Variants in EPHA6 observed in about 807,000 individuals in gnomAD.
EPHA6 encodes the protein EPH receptor A6.
EPHA6 carries 50 observed loss-of-function variants against 112.0 expected under a neutral mutation model. That is an observed-to-expected ratio of 0.45 (90% CI 0.36 to 0.56). The LOEUF (loss-of-function observed/expected upper bound fraction) is 0.56. EPHA6 is among the 20% of genes least tolerant of loss of function. The pLI is 0.00. For synonymous variants in EPHA6, 529 were observed against 490.7 expected, an observed-to-expected ratio of 1.08 and a Z score of -1.03; for missense variants, 1,280 against 1,417.4, an observed-to-expected ratio of 0.90 and a Z score of 1.56.
At chr3:97,064,481 T>C (rs1057312682) in intron 3 of EPHA6, among the ~76,000 whole-genome samples, 1 of 152,186 alleles carries the variant, frequency 6.6e-6, no homozygotes, top group Non-Finnish European at 1.5e-5. Context: ...TCTGTATTCC[T>C]CACTAAACTG....
At position 97,751,761 on chromosome 3, in the gene EPHA6, A is replaced by C. The variant is rs2035906868; in HGVS notation, c.*3060A>C. 6.6e-6 allele frequency among the ~76,000 whole-genome samples: 1 copy of C among 152,184 alleles called. No homozygotes were observed. The highest frequency in any genetic ancestry group is 2.1e-4 in the South Asian group (1 of 4,838). On this transcript the variant is annotated 3_prime_UTR_variant, in exon 18 of 18. Coordinates refer to ENST00000389672, the MANE Select transcript of EPHA6 (RefSeq NM_001080448.3). ...CATAAATCACAAGTCTTCAGGAATAATCTTTGATACCTAAAATATGCATAT... is the reference window on the plus strand; with the variant it reads ...CATAAATCACAAGTCTTCAGGAATACTCTTTGATACCTAAAATATGCATAT...
chr3:97,443,317 C>A (rs2090203379), intron 6 of EPHA6, among the ~76,000 whole-genome samples: 2 of 134,400 alleles, frequency 1.5e-5, no homozygotes, highest in Admixed American at 1.7e-4. Context: ...GTCCTCTAGC[C>A]AGTAGAACAA....
intron 11 of EPHA6, among the ~76,000 whole-genome samples, chr3:97,582,415 G>T (rs771539310): frequency 6.6e-6 from 1 of 152,078 alleles, no homozygotes; most frequent in Non-Finnish European, 1.5e-5. Flanking sequence ...AATCTAAACT[G>T]GGAGGACTCG....
At chr3:97,614,807 A>C (rs2093752222) in intron 13 of EPHA6, among the ~76,000 whole-genome samples, 2 of 152,168 alleles carry the variant, frequency 1.3e-5, no homozygotes, top group Non-Finnish European at 2.9e-5. Flanking sequence ...GATGGCTGGG[A>C]GCAAGAAAAG....
In EPHA6 at chr3:97,512,272, CTA is replaced by C. The variant is rs541060128; in HGVS notation, c.2201-20084_2201-20083del. 4.3e-3 allele frequency among the ~76,000 whole-genome samples: 658 copies of C among 152,062 alleles called. 6 individuals are homozygous for C. The highest frequency in any genetic ancestry group is 4.0e-3 in the Non-Finnish European group (269 of 67,984). Reference sequence around the variant, plus strand: ...AATTTACAGAGGTATTAGTAATTATCTATGAGTATTTTTCATTTAAGATAAAA... The same window carrying C: ...AATTTACAGAGGTATTAGTAATTATCTGAGTATTTTTCATTTAAGATAAAA... On this transcript the variant is annotated intron_variant, in intron 10 of 17. Transcript: ENST00000389672.
chr3:97,744,920 TAA>T (rs1437755109), intron 16 of EPHA6, among the ~76,000 whole-genome samples: 1 of 151,964 alleles, frequency 6.6e-6, no homozygotes, highest in Non-Finnish European at 1.5e-5. Flanking sequence ...GACAAGTATT[TAA>T]AAGACAGGAG....
intron 5 of EPHA6, among the ~76,000 whole-genome samples, chr3:97,279,719 C>T (rs1423094183): frequency 2.6e-5 from 4 of 152,160 alleles, no homozygotes; most frequent in Admixed American, 1.3e-4. Flanking sequence ...TTGATGTTTA[C>T]TGAAGACATG....
chr3:97,700,868 C>T (rs1237245971), intron 14 of EPHA6, among the ~76,000 whole-genome samples: 1 of 152,062 alleles, frequency 6.6e-6, no homozygotes, highest in Non-Finnish European at 1.5e-5. Context: ...GCCAGCGTTC[C>T]CATCACTGGT....
chr3:96,850,818 G>T (rs1471005756), intron 1 of EPHA6, among the ~76,000 whole-genome samples: 1 of 152,064 alleles, frequency 6.6e-6, no homozygotes, highest in African/African-American at 2.4e-5. Flanking sequence ...GTTACTATCA[G>T]ATTTCATTGG....
rs115994501 is a variant in EPHA6 at position 97,395,674 on chromosome 3, C to T, written c.1607-9476C>T. 5.2e-3 allele frequency among the ~76,000 whole-genome samples: 795 copies of T among 151,486 alleles called. 6 individuals carry two copies. Among genetic ancestry groups the T allele is most frequent in the African/African-American group, 0.017 (724 of 41,398 alleles). Reference sequence around the variant, plus strand: ...TTAGTATTATTCTTTATTGACATTTCATTGAGTTTTTTATTATATTTCCCT... The same window carrying T: ...TTAGTATTATTCTTTATTGACATTTTATTGAGTTTTTTATTATATTTCCCT... On this transcript the variant is annotated intron_variant, in intron 5 of 17. Transcript: ENST00000389672.
chr3:97,577,546 T>C (rs2093398269), intron 11 of EPHA6, among the ~76,000 whole-genome samples: 1 of 152,038 alleles, frequency 6.6e-6, no homozygotes, highest in Admixed American at 6.6e-5. Flanking sequence ...TCACAAAAAA[T>C]TGTTTCCAAT....
intron 5 of EPHA6, among the ~76,000 whole-genome samples, chr3:97,269,721 G>T (rs1021495047): frequency 2.0e-5 from 3 of 151,574 alleles, no homozygotes; most frequent in Non-Finnish European, 4.4e-5. Flanking sequence ...ATAACTTTAC[G>T]CAATGACCTA....
At chr3:97,474,013 GA>G (rs1479237552) in intron 7 of EPHA6, among the ~76,000 whole-genome samples, 1 of 151,750 alleles carries the variant, frequency 6.6e-6, no homozygotes. Context: ...TTTACATTCA[GA>G]TTTTTTTAAA....
intron 3 of EPHA6, among the ~76,000 whole-genome samples, chr3:97,174,112 A>G (rs989405496): frequency 2.7e-5 from 4 of 148,174 alleles, no homozygotes; most frequent in African/African-American, 1.0e-4. Flanking sequence ...TTTAATTTTT[A>G]GATCCCACAG....
At chr3:97,523,451 A>G (rs922428665) in intron 10 of EPHA6, among the ~76,000 whole-genome samples, 4 of 152,050 alleles carry the variant, frequency 2.6e-5, no homozygotes, top group Non-Finnish European at 5.9e-5. Context: ...CCTATTATCT[A>G]TCCTGTAGAA....
At chr3:97,650,812 G>A (rs1030771529) in intron 14 of EPHA6, among the ~76,000 whole-genome samples, 4 of 144,642 alleles carry the variant, frequency 2.8e-5, no homozygotes, top group Admixed American at 2.1e-4. Context: ...AGCTGAGATT[G>A]CGCCACTGCA....
At chr3:97,545,107 C>G (rs1021027521) in intron 11 of EPHA6, among the ~76,000 whole-genome samples, 5 of 152,050 alleles carry the variant, frequency 3.3e-5, no homozygotes, top group Non-Finnish European at 5.9e-5. Context: ...CTTCTGCTAG[C>G]TTTTGAATTT....
chr3:97,480,047 G>C (rs971333777), intron 9 of EPHA6, among the ~76,000 whole-genome samples: 1 of 152,132 alleles, frequency 6.6e-6, no homozygotes, highest in Non-Finnish European at 1.5e-5. Flanking sequence ...ACAGTGTAGA[G>C]ATAATATGCA....
chr3:97,089,845 C>T (rs72920220), intron 3 of EPHA6, among the ~76,000 whole-genome samples: 6,483 of 152,056 alleles, frequency 0.043, 486 homozygotes, highest in African/African-American at 0.15. Flanking sequence ...AGTTTTATGA[C>T]CTATCTAGCT....
Sources: allele counts gnomAD v4.1 joint callset (sites outside exome capture counted in the v4.1 genomes callset), GRCh38; gene constraint gnomAD v4.1.1; transcripts MANE v1.5; gene names NCBI Gene and HGNC (gene_info 2026-07-23, HGNC 2026-07-21).